Variants in LINC00305 observed in about 807,000 individuals in gnomAD.
The protein encoded by LINC00305 is long intergenic non-protein coding RNA 305.
intron 1 of LINC00305, among the ~76,000 whole-genome samples, chr18:64,123,492 A>T (rs967710317): frequency 2.0e-5 from 3 of 151,592 alleles, no homozygotes; most frequent in South Asian, 2.1e-4. Flanking sequence ...GTCTTTTTTT[A>T]AAAAAATCAC....
chr18:64,133,337 A>C (rs2051418557), intron 1 of LINC00305, among the ~76,000 whole-genome samples: 1 of 152,184 alleles, frequency 6.6e-6, no homozygotes, highest in Non-Finnish European at 1.5e-5. Context: ...GTGGATGGAG[A>C]AGAGCAGTCA....
chr18:64,129,845 A>G (rs137968317), intron 1 of LINC00305, among the ~76,000 whole-genome samples: 4 of 152,294 alleles, frequency 2.6e-5, no homozygotes, highest in African/African-American at 9.6e-5. Context: ...TGGTAAAGGC[A>G]GAAAGAGGTT....
chr18:64,131,082 G>A (rs978037462), intron 1 of LINC00305, among the ~76,000 whole-genome samples: 4 of 152,126 alleles, frequency 2.6e-5, no homozygotes, highest in African/African-American at 9.7e-5. Context: ...TACCTAACTC[G>A]TAGACTCCTG....
intron 1 of LINC00305, among the ~76,000 whole-genome samples, chr18:64,140,488 T>C (rs1454804761): frequency 6.6e-6 from 1 of 152,126 alleles, no homozygotes; most frequent in Non-Finnish European, 1.5e-5. Flanking sequence ...GGATTACAGG[T>C]GTGAGCCACC....
intron 1 of LINC00305, among the ~76,000 whole-genome samples, chr18:64,124,228 T>C (rs2051374825): frequency 6.6e-6 from 1 of 152,164 alleles, no homozygotes; most frequent in Non-Finnish European, 1.5e-5. Context: ...AAGCTCTGCA[T>C]GGCATGGTCA....
intron 3 of LINC00305, among the ~76,000 whole-genome samples, chr18:64,091,360 C>A (rs769976894): frequency 1.3e-5 from 2 of 152,200 alleles, no homozygotes; most frequent in Non-Finnish European, 2.9e-5. Flanking sequence ...GCAAATGGGG[C>A]AGCAAGGGTC....
intron 1 of LINC00305, among the ~76,000 whole-genome samples, chr18:64,106,073 C>T (rs1389204407): frequency 1.3e-5 from 2 of 152,170 alleles, no homozygotes; most frequent in African/African-American, 4.8e-5. Context: ...ACAGAGTTAG[C>T]CTTTGAGATT....
chr18:64,142,794 A>G (rs1325513814), intron 1 of LINC00305, among the ~76,000 whole-genome samples: 1 of 152,204 alleles, frequency 6.6e-6, no homozygotes, highest in Admixed American at 6.5e-5. Flanking sequence ...AGTAGAGAGT[A>G]GTTGAAAGCA....
At chr18:64,100,798 T>C (rs1200454144) in intron 1 of LINC00305, among the ~76,000 whole-genome samples, 1 of 152,196 alleles carries the variant, frequency 6.6e-6, no homozygotes, top group African/African-American at 2.4e-5. Context: ...AGTTGCCTGC[T>C]ATGTTCAGAT....
chr18:64,136,720 A>G (rs945217933), intron 1 of LINC00305, among the ~76,000 whole-genome samples: 60 of 152,290 alleles, frequency 3.9e-4, no homozygotes, highest in African/African-American at 1.4e-3. Context: ...AGAAGAGACA[A>G]TATGAAGAAG....
chr18:64,140,123 T>C (rs898643013), intron 1 of LINC00305, among the ~76,000 whole-genome samples: 2 of 152,186 alleles, frequency 1.3e-5, no homozygotes, highest in African/African-American at 4.8e-5. Context: ...TCTGTGACTC[T>C]GCTCATGTAT....
At chr18:64,135,257 G>A (rs1222168753) in intron 1 of LINC00305, among the ~76,000 whole-genome samples, 1 of 152,064 alleles carries the variant, frequency 6.6e-6, no homozygotes, top group Admixed American at 6.6e-5. Flanking sequence ...GAACAGCTTT[G>A]TGAAAACCCT....
chr18:64,143,775 CATGTATGTACACATATTATGCGT>C (rs2051482611), intron 1 of LINC00305, among the ~76,000 whole-genome samples: 1 of 98,678 alleles, frequency 1.0e-5, no homozygotes, highest in Non-Finnish European at 2.1e-5. Flanking sequence ...ATTATGCGTA[CATGTATGTACACATATTATGCGT>C]ACATGTATGT....
chr18:64,141,639 G>A (rs919206143), intron 1 of LINC00305, among the ~76,000 whole-genome samples: 1 of 152,050 alleles, frequency 6.6e-6, no homozygotes, highest in African/African-American at 2.4e-5. Context: ...CTGTGTATGT[G>A]GTAAAAAAGT....
chr18:64,095,315 A>G (rs1480711102), intron 3 of LINC00305, among the ~76,000 whole-genome samples: 1 of 152,166 alleles, frequency 6.6e-6, no homozygotes, highest in Admixed American at 6.5e-5. Flanking sequence ...CTGTGAAAAG[A>G]TTTTGCAGCT....
chr18:64,118,918 T>C (rs1204084416), intron 1 of LINC00305, among the ~76,000 whole-genome samples: 1 of 151,874 alleles, frequency 6.6e-6, no homozygotes, highest in African/African-American at 2.4e-5. Context: ...AAGTAGGGTC[T>C]TGATAAATAT....
At chr18:64,126,564 A>G (rs1424634105) in intron 1 of LINC00305, among the ~76,000 whole-genome samples, 1 of 152,096 alleles carries the variant, frequency 6.6e-6, no homozygotes, top group Non-Finnish European at 1.5e-5. Flanking sequence ...GATTGCTCAG[A>G]GCTGCCCTTA....
chr18:64,145,881 G>A (rs2051495397), intron 1 of LINC00305, among the ~76,000 whole-genome samples: 1 of 152,092 alleles, frequency 6.6e-6, no homozygotes, highest in African/African-American at 2.4e-5. Flanking sequence ...AGTACCTATT[G>A]ACAATATTTC....
intron 1 of LINC00305, among the ~76,000 whole-genome samples, chr18:64,101,073 T>C (rs916152956): frequency 1.3e-5 from 2 of 152,206 alleles, no homozygotes; most frequent in African/African-American, 2.4e-5. Context: ...CAACCCCGTC[T>C]CTACCATTGC....
Sources: gnomAD v4.1 joint callset for allele counts (sites outside exome capture counted in the v4.1 genomes callset) on GRCh38, gnomAD v4.1.1 for gene constraint, MANE v1.5 for transcripts, NCBI Gene and HGNC (gene_info 2026-07-23, HGNC 2026-07-21) for gene names.